FBXL17: variants seen among roughly 807,000 people sequenced by gnomAD.
FBXL17 encodes F-box and leucine rich repeat protein 17.
A neutral mutation model predicts 66.2 loss-of-function variants in FBXL17; 22 were observed. That is an observed-to-expected ratio of 0.33 (90% CI 0.24 to 0.47). The LOEUF (loss-of-function observed/expected upper bound fraction) is 0.47. Among genes scored for constraint, FBXL17 ranks in the 20% least tolerant of loss-of-function variants. FBXL17 has a pLI of 1.00. For missense variants in FBXL17, 878 were observed against 948.2 expected, an observed-to-expected ratio of 0.93 and a Z score of 0.97; for synonymous variants, 474 against 400.5, an observed-to-expected ratio of 1.18 and a Z score of -2.19.
At chr5:108,196,898 C>A (rs1446061991) in intron 5 of FBXL17, among the ~76,000 whole-genome samples, 1 of 151,976 alleles carries the variant, frequency 6.6e-6, no homozygotes, top group African/African-American at 2.4e-5. Flanking sequence ...TTTTTAAGAG[C>A]CTCTGTAAGT....
At chr5:108,179,229 GTTTT>G (rs771101007) in intron 6 of FBXL17, among the ~76,000 whole-genome samples, 1 of 152,084 alleles carries the variant, frequency 6.6e-6, no homozygotes, top group African/African-American at 2.4e-5. Flanking sequence ...AAATATCACC[GTTTT>G]TTATTGAATC....
chr5:107,970,460 G>A (rs762025456), intron 7 of FBXL17, among the ~76,000 whole-genome samples: 16 of 152,122 alleles, frequency 1.1e-4, no homozygotes, highest in Non-Finnish European at 2.2e-4. Context: ...AGCTGCTACC[G>A]CTTCTGCCCT....
chr5:108,367,487 T>C (rs553155117), intron 2 of FBXL17, among the ~76,000 whole-genome samples: 6 of 152,242 alleles, frequency 3.9e-5, no homozygotes, highest in East Asian at 1.9e-4. Context: ...AACAGAGGCA[T>C]TGCTACAGAA....
chr5:107,949,474 C>T (rs1019833609), intron 7 of FBXL17, among the ~76,000 whole-genome samples: 1 of 152,140 alleles, frequency 6.6e-6, no homozygotes, highest in Admixed American at 6.5e-5. Flanking sequence ...ACAGACAACA[C>T]ATTCTACATG....
intron 7 of FBXL17, among the ~76,000 whole-genome samples, chr5:107,903,821 A>G (rs1341083551): frequency 6.6e-6 from 1 of 152,112 alleles, no homozygotes; most frequent in Non-Finnish European, 1.5e-5. Context: ...TTACACCATG[A>G]TTTGAGCTTT....
intron 7 of FBXL17, among the ~76,000 whole-genome samples, chr5:107,953,184 C>A (rs902740768): frequency 2.0e-4 from 30 of 151,984 alleles, no homozygotes; most frequent in African/African-American, 7.0e-4. Context: ...GGGCGGATCA[C>A]GAGGTCAGGA....
intron 6 of FBXL17, among the ~76,000 whole-genome samples, chr5:108,084,276 ACGGTC>A (rs1580419741): frequency 6.6e-6 from 1 of 152,220 alleles, no homozygotes; most frequent in African/African-American, 2.4e-5. Context: ...CTGCTTGTGT[ACGGTC>A]TCTGCATGAA....
At chr5:108,262,669 G>A (rs1051384312) in intron 4 of FBXL17, among the ~76,000 whole-genome samples, 13 of 151,898 alleles carry the variant, frequency 8.6e-5, no homozygotes, top group African/African-American at 2.7e-4. Context: ...GACAATATAC[G>A]AGAAGAAAAT....
intron 7 of FBXL17, among the ~76,000 whole-genome samples, chr5:107,972,995 C>T (rs185259097): frequency 5.9e-5 from 9 of 152,316 alleles, no homozygotes; most frequent in Admixed American, 2.6e-4. Flanking sequence ...AGTCCTCATG[C>T]GCTCCCTGAA....
At chr5:108,082,577 G>GT (rs1748811199) in intron 6 of FBXL17, among the ~76,000 whole-genome samples, 1 of 152,118 alleles carries the variant, frequency 6.6e-6, no homozygotes, top group African/African-American at 2.4e-5. Context: ...AGGCTCTTCT[G>GT]TTTTTTCAAC....
chr5:107,956,555 T>A (rs1344108250), intron 7 of FBXL17, among the ~76,000 whole-genome samples: 1 of 152,210 alleles, frequency 6.6e-6, no homozygotes, highest in Non-Finnish European at 1.5e-5. Flanking sequence ...AGGTTTCTCA[T>A]CTGAAAGTAT....
rs745568375 is a variant in FBXL17, at chr5:107,937,643, T to C, written c.1823-56464A>G. Among the ~76,000 whole-genome samples the C allele has an allele frequency of 3.3e-5, 5 of 152,190 alleles. No individual in the cohort carries two copies. In the East Asian group the frequency reaches 7.7e-4, roughly 23 times the overall value. ...AATAATACTGTAAGCTCCTTGAAGG[T>C]AGAAACTGTACCTTTATTTCTCTCT... On this transcript the variant is annotated intron_variant, in intron 7 of 8. Coordinates refer to ENST00000542267, the MANE Select transcript of FBXL17 (RefSeq NM_001163315.3).
chr5:108,040,922 C>T (rs75064827), intron 6 of FBXL17, among the ~76,000 whole-genome samples: 3,255 of 152,170 alleles, frequency 0.021, 115 homozygotes, highest in African/African-American at 0.074. Flanking sequence ...AATAATGTAT[C>T]ATAAATGGGA....
At chr5:108,280,695 A>T (rs1757666806) in intron 4 of FBXL17, among the ~76,000 whole-genome samples, 1 of 151,252 alleles carries the variant, frequency 6.6e-6, no homozygotes, top group Non-Finnish European at 1.5e-5. Context: ...AATAGATTAA[A>T]TGCTCCAATT....
intron 5 of FBXL17, among the ~76,000 whole-genome samples, chr5:108,212,586 C>T (rs189735244): frequency 1.3e-5 from 2 of 152,300 alleles, no homozygotes; most frequent in East Asian, 3.9e-4. Flanking sequence ...CTGCTGTCTG[C>T]TGGAGTCTGC....
chr5:107,958,238 C>T (rs528619350), intron 7 of FBXL17, among the ~76,000 whole-genome samples: 6 of 151,486 alleles, frequency 4.0e-5, no homozygotes, highest in Non-Finnish European at 7.4e-5. Context: ...GTTTAGAGCA[C>T]GTGAAGATAT....
chr5:108,293,500 C>G (rs1758206382), intron 4 of FBXL17, among the ~76,000 whole-genome samples: 1 of 152,066 alleles, frequency 6.6e-6, no homozygotes, highest in Admixed American at 6.6e-5. Flanking sequence ...GAGCACAAAA[C>G]TTTTAGGGGA....
At chr5:108,330,189 G>C (rs1350508544) in intron 4 of FBXL17, among the ~76,000 whole-genome samples, 1 of 152,072 alleles carries the variant, frequency 6.6e-6, no homozygotes, top group African/African-American at 2.4e-5. Flanking sequence ...TTTCAATATA[G>C]TTTTCTAGGG....
rs191755851 is a variant in FBXL17 at position 108,154,110 on chromosome 5, A to C, written c.1745+32007T>G. On this transcript the variant is annotated intron_variant, in intron 6 of 8. Coordinates refer to ENST00000542267, the MANE Select transcript of FBXL17 (RefSeq NM_001163315.3). ...GGTAAATGGTGGGTTACTTTACTCA[A>C]CTGTGTTCCACCTTCCATCAAACAG... Among the ~76,000 whole-genome samples, 7 of 152,170 alleles carry C rather than the reference A, an allele frequency of 4.6e-5. No homozygotes were observed. The East Asian group carries it at 9.7e-4, about 21-fold the overall frequency.
Sources: gnomAD v4.1 joint callset for allele counts (sites outside exome capture counted in the v4.1 genomes callset) on GRCh38, gnomAD v4.1.1 for gene constraint, MANE v1.5 for transcripts, NCBI Gene and HGNC (gene_info 2026-07-23, HGNC 2026-07-21) for gene names.